RUNDC1: variants seen among roughly 807,000 people sequenced by gnomAD.
RUNDC1 encodes RUN domain containing 1, also known as RUN domain-containing protein 1.
A neutral mutation model predicts 49.3 loss-of-function variants in RUNDC1; 31 were observed. The ratio of observed to expected loss-of-function variants is 0.63; its 90% CI spans 0.47 to 0.85. The LOEUF is 0.85. RUNDC1 is among the 40% of genes least tolerant of loss of function. The probability of loss-of-function intolerance (pLI) is 0.00; values close to 1 mark genes in which losing one functional copy is unlikely to be tolerated. For synonymous variants in RUNDC1, 347 were observed against 348.6 expected, an observed-to-expected ratio of 1.00 and a Z score of 0.05; for missense variants, 715 against 806.7, an observed-to-expected ratio of 0.89 and a Z score of 1.38.
At chr17:42,983,934 T>C (rs992997488) in intron 1 of RUNDC1, among the ~76,000 whole-genome samples, 1 of 151,728 alleles carries the variant, frequency 6.6e-6, no homozygotes, top group Non-Finnish European at 1.5e-5. Context: ...TCTGTCCGAC[T>C]CGGCCTCCCA....
rs1567734797 is a variant in RUNDC1 at position 42,993,604 on chromosome 17, A to T, written c.*1888A>T. On this transcript the variant is annotated 3_prime_UTR_variant, in exon 5 of 5. Transcript: ENST00000361677. ...CATAGTATTTTGTGTAGCTTCTCTG[A>T]AGACCTTAGAGATCTGCAGCTTTGG... 6.6e-6 allele frequency: 1 copy of T among 152,178 alleles called. No individual in the cohort carries two copies. Among genetic ancestry groups the T allele is most frequent in the Non-Finnish European group, 1.5e-5 (1 of 68,036 alleles). 9.4% of individuals were successfully genotyped at this position (152,178 alleles called of 1,614,324 possible). A position where few individuals can be genotyped will look rare whatever the true frequency, so the allele number is the denominator to read the frequency against.
intron 2 of RUNDC1, 107 bp downstream of exon 2, chr17:42,987,521 G>T: frequency 4.8e-6 from 5 of 1,040,822 alleles, no homozygotes; most frequent in Non-Finnish European, 7.1e-6. Context: ...GCCTTACTGA[G>T]AATCCCTCTG....
chr17:42,991,185 G>A lies in RUNDC1; in HGVS notation c.1311G>A (p.Leu437=). 1 of 1,614,244 alleles carries A rather than the reference G, an allele frequency of 6.2e-7. No individual in the cohort carries two copies. The highest frequency in any genetic ancestry group is 8.5e-7 in the Non-Finnish European group (1 of 1,180,046). The change falls in exon 5 of 5, where the codon CTG becomes CTA. Residue 437 remains leucine (L), a synonymous_variant. Coordinates refer to ENST00000361677, the MANE Select transcript of RUNDC1 (RefSeq NM_173079.5). ...RKELTVAVRD[L]LAHGLYASSP... ...AGCTAACGGTGGCTGTGAGGGACCT[G>A]CTGGCCCATGGACTGTATGCCTCCT...
At chr17:42,982,434 TC>T (rs958502062) in intron 1 of RUNDC1, among the ~76,000 whole-genome samples, 1 of 152,168 alleles carries the variant, frequency 6.6e-6, no homozygotes, top group Non-Finnish European at 1.5e-5. Flanking sequence ...TGTTTACTGT[TC>T]CACCCTTCTC....
rs1007372178 is a variant in RUNDC1 at position 42,982,748 on chromosome 17, C to T, written c.498+1674C>T. 5.4e-5 allele frequency among the ~76,000 whole-genome samples: 8 copies of T among 149,256 alleles called. 1 individual carries two copies. The highest frequency in any genetic ancestry group is 6.9e-3 in the Middle Eastern group (2 of 288). On this transcript the variant is annotated intron_variant, in intron 1 of 4. Coordinates refer to ENST00000361677, the MANE Select transcript of RUNDC1 (RefSeq NM_173079.5). Reference sequence around the variant, plus strand: ...TAGCACTTTGGGAGGCCAAGGCGGGCGGATCACCTGAGGTTGGGAGTTCGA... The same window carrying T: ...TAGCACTTTGGGAGGCCAAGGCGGGTGGATCACCTGAGGTTGGGAGTTCGA...
At chr17:42,981,968 G>T (rs2050099820) in intron 1 of RUNDC1, 1 of 146,210 alleles carries the variant, frequency 6.8e-6, no homozygotes, top group Non-Finnish European at 1.5e-5. Flanking sequence ...TTTATTGGAA[G>T]TGTTGAGGTA....
chr17:42,989,679 G>C, intron 3 of RUNDC1, 140 bp downstream of exon 3: 1 of 779,866 alleles, frequency 1.3e-6, no homozygotes, highest in Non-Finnish European at 2.1e-6. Flanking sequence ...CTGTTCCCCT[G>C]GCTGGAGTGC....
intron 4 of RUNDC1, 140 bp downstream of exon 4, chr17:42,990,576 T>G: frequency 1.1e-6 from 1 of 932,948 alleles, no homozygotes; most frequent in Admixed American, 2.8e-5. Context: ...GGATGAAATA[T>G]TCTAAAATTG....
chr17:42,991,015 T>A lies in RUNDC1; in HGVS notation c.1141T>A (p.Leu381Met). The A allele has an allele frequency of 6.2e-7, 1 of 1,614,174 alleles. No individual in the cohort carries two copies. ...CCAGGCTGACAGAGACTACTCTCCC[T>A]TGCTGAAGAGGCTGGAGGTGTCAGT... ...RVQADRDYSP[L>M]LKRLEVSVDR... is the part of the protein sequence containing the mutation. Residue 381 changes from leucine (L) to methionine (M), a missense_variant, in exon 5 of 5, where the codon TTG (leucine) becomes ATG (methionine). Physicochemically the swap from Leu to Met is conservative, Grantham distance 15. Coordinates refer to ENST00000361677, the MANE Select transcript of RUNDC1 (RefSeq NM_173079.5).
At position 42,987,130 on chromosome 17, in the gene RUNDC1, T is replaced by G. The variant is rs1017508409; in HGVS notation, c.499-126T>G. On this transcript the variant is annotated intron_variant, in intron 1 of 4. Coordinates refer to ENST00000361677, the MANE Select transcript of RUNDC1 (RefSeq NM_173079.5). ...ACTTTTGAATCTATCGTATGAATTGTGTATTTCATTTGGATTATTGGAAAC... is the reference window on the plus strand; with the variant it reads ...ACTTTTGAATCTATCGTATGAATTGGGTATTTCATTTGGATTATTGGAAAC... The G allele has an allele frequency of 6.3e-6, 4 of 637,944 alleles. No homozygotes were observed. The African/African-American group carries it at 7.3e-5, about 12-fold the overall frequency. 39.5% of individuals were successfully genotyped at this position (637,944 alleles called of 1,614,324 possible). A position where few individuals can be genotyped will look rare whatever the true frequency, so the allele number is the denominator to read the frequency against.
Position 42,991,239 on chromosome 17 carries a change from T to C in RUNDC1, c.1365T>C (p.Pro455=), listed in dbSNP as rs769765003. ...CAGGGATGAGCCTTGTTATGGCTCCTATTGCTTGTTTGCTGCCAGCCTTCT... is the reference window on the plus strand; with the variant it reads ...CAGGGATGAGCCTTGTTATGGCTCCCATTGCTTGTTTGCTGCCAGCCTTCT... ...SSPGMSLVMA[P]IACLLPAFSS... is the part of the protein sequence containing the mutation. Residue 455 remains proline (P), a synonymous_variant, in exon 5 of 5, where the codon CCT becomes CCC. Coordinates refer to ENST00000361677, the MANE Select transcript of RUNDC1 (RefSeq NM_173079.5). 39 of 1,613,886 alleles carry C rather than the reference T, an allele frequency of 2.4e-5. No individual in the cohort carries two copies. The highest frequency in any genetic ancestry group is 2.1e-5 in the Non-Finnish European group (25 of 1,180,014).
At chr17:42,987,155 CATCTT>C (rs1472778252) in intron 1 of RUNDC1, 96 bp from the exon 2 acceptor site, 8 of 749,862 alleles carry the variant, frequency 1.1e-5, no homozygotes, top group Admixed American at 7.8e-5. Flanking sequence ...TTATTGGAAA[CATCTT>C]ATATTTTATT....
At chr17:42,987,481 G>A in intron 2 of RUNDC1, 67 bp downstream of exon 2, 1 of 1,466,856 alleles carries the variant, frequency 6.8e-7, no homozygotes, top group Admixed American at 1.7e-5. Flanking sequence ...GCATTCACAG[G>A]GCATCCTCTC....
chr17:42,985,522 G>A, intron 1 of RUNDC1: 1 of 181,458 alleles, frequency 5.5e-6, no homozygotes, highest in Non-Finnish European at 1.1e-5. Flanking sequence ...CCTGAGAAAA[G>A]GCTTGCTTTC....
At chr17:42,982,474 G>A (rs2050114400) in intron 1 of RUNDC1, among the ~76,000 whole-genome samples, 1 of 152,106 alleles carries the variant, frequency 6.6e-6, no homozygotes, top group Middle Eastern at 3.2e-3. Context: ...TACACAAGGA[G>A]CAGCCACCTC....
Position 42,980,820 on chromosome 17 carries a change from C to T in RUNDC1, c.244C>T (p.Arg82Trp). Residue 82 changes from arginine to tryptophan, a missense_variant, in exon 1 of 5, where the codon CGG (arginine) becomes TGG (tryptophan). Arg to Trp is a moderately radical substitution (Grantham distance 101). This residue lies in a region of RUNDC1 where 153 missense variants were observed against 139.4 expected (regional missense o/e 1.10). Coordinates refer to ENST00000361677, the MANE Select transcript of RUNDC1 (RefSeq NM_173079.5). ...PPDSPGRTLR[R>W]LRAERRRLDS... ...GGATTCGCCGGGCCGGACGCTGCGGCGGCTGCGGGCAGAGCGGCGGCGGCT... is the reference window on the plus strand; with the variant it reads ...GGATTCGCCGGGCCGGACGCTGCGGTGGCTGCGGGCAGAGCGGCGGCGGCT... 1.5e-6 allele frequency: 2 copies of T among 1,368,974 alleles called. No homozygotes were observed. The highest frequency in any genetic ancestry group is 3.1e-5 in the East Asian group (1 of 32,630). The allele number at this position is 1,368,974 out of a possible 1,614,324, so 84.8% of individuals were successfully genotyped here.
In RUNDC1 at chr17:42,991,141, A is replaced by G. The variant is rs376046963; in HGVS notation, c.1267A>G (p.Thr423Ala). ...DLSLGGKDEL[T>A]MAVRKELTVA... ...CTCTCTGGGAGGCAAGGATGAGCTGACTATGGCTGTGCGGAAGGAGCTAAC... is the reference window on the plus strand; with the variant it reads ...CTCTCTGGGAGGCAAGGATGAGCTGGCTATGGCTGTGCGGAAGGAGCTAAC... The change falls in exon 5 of 5, where the codon ACT becomes GCT. Residue 423 changes from threonine (T) to alanine (A), a missense_variant. Physicochemically the swap from Thr to Ala is moderately conservative, Grantham distance 58 (BLOSUM62 0). This residue lies in a region of RUNDC1 where 425 missense variants were observed against 499.7 expected (regional missense o/e 0.85). Transcript: ENST00000361677. 35 of 1,614,078 alleles carry G rather than the reference A, an allele frequency of 2.2e-5. No homozygotes were observed. The highest frequency in any genetic ancestry group is 2.9e-5 in the Non-Finnish European group (34 of 1,180,040).
intron 1 of RUNDC1, chr17:42,981,297 G>T (rs902239003): frequency 1.7e-6 from 1 of 576,248 alleles, no homozygotes; most frequent in Non-Finnish European, 2.9e-6. Context: ...GATGTGGAGA[G>T]ATGTCGGTGC....
At chr17:42,987,480 G>A in intron 2 of RUNDC1, 66 bp downstream of exon 2, 2 of 1,469,630 alleles carry the variant, frequency 1.4e-6, no homozygotes, top group Non-Finnish European at 9.5e-7. Context: ...AGCATTCACA[G>A]GGCATCCTCT....
Sources: allele counts gnomAD v4.1 joint callset (sites outside exome capture counted in the v4.1 genomes callset), GRCh38; gene constraint gnomAD v4.1.1; regional missense constraint gnomAD v4.1.1; transcripts MANE v1.5; gene names NCBI Gene and HGNC (gene_info 2026-07-23, HGNC 2026-07-21).